Variants in MLLT3 observed in about 807,000 individuals in gnomAD.
MLLT3 encodes protein AF-9.
A neutral mutation model predicts 53.2 loss-of-function variants in MLLT3; 4 were observed. The ratio of observed to expected loss-of-function variants is 0.08; its 90% confidence interval spans 0.04 to 0.17. The LOEUF (loss-of-function observed/expected upper bound fraction) is 0.17. Ranked by LOEUF, MLLT3 falls within the 10% of genes least tolerant of loss-of-function variation. MLLT3 has a pLI of 1.00. For missense variants in MLLT3, 569 were observed against 684.0 expected (o/e 0.83, Z 1.87); for synonymous variants, 283 against 230.6 (o/e 1.23, Z -2.06).
chr9:20,378,777 A>G (rs1821837797), intron 5 of MLLT3, among the ~76,000 whole-genome samples: 2 of 152,118 alleles, frequency 1.3e-5, no homozygotes, highest in South Asian at 4.1e-4. Flanking sequence ...AAGTCCCTCT[A>G]TCTTAGTGAA....
intron 2 of MLLT3, among the ~76,000 whole-genome samples, chr9:20,577,486 T>A (rs892320796): frequency 6.6e-6 from 1 of 152,188 alleles, no homozygotes; most frequent in Admixed American, 6.5e-5. Flanking sequence ...CCCATGTACC[T>A]TTTCAACATC....
intron 5 of MLLT3, among the ~76,000 whole-genome samples, chr9:20,373,844 A>T (rs1169779054): frequency 1.3e-5 from 2 of 152,202 alleles, no homozygotes; most frequent in Admixed American, 1.3e-4. Flanking sequence ...GAAAGAAGAA[A>T]ACACAAATAT....
At chr9:20,616,782 CT>C (rs968352755) in intron 2 of MLLT3, among the ~76,000 whole-genome samples, 2 of 152,078 alleles carry the variant, frequency 1.3e-5, no homozygotes, top group Non-Finnish European at 2.9e-5. Flanking sequence ...TTGAGGGCCC[CT>C]ATATGGCTTT....
Position 20,431,591 on chromosome 9 carries a change from T to C in MLLT3, c.420+16532A>G, listed in dbSNP as rs548271838. Among the ~76,000 whole-genome samples, 2 of 152,274 alleles carry C rather than the reference T, an allele frequency of 1.3e-5. 1 individual carries two copies. Among genetic ancestry groups the C allele is most frequent in the South Asian group, 4.2e-4 (2 of 4,816 alleles). ...TTTATTTATGTATATGGGTACTTGA[T>C]CATTATGGAAAACCGGTTTCTTACT... On this transcript the variant is annotated intron_variant, in intron 4 of 10. Transcript: ENST00000380338.
At chr9:20,553,300 A>C (rs1416741323) in intron 2 of MLLT3, among the ~76,000 whole-genome samples, 1 of 152,204 alleles carries the variant, frequency 6.6e-6, no homozygotes, top group Non-Finnish European at 1.5e-5. Flanking sequence ...TCTTCCCCCA[A>C]AATACTCTAG....
chr9:20,579,308 T>C (rs1034586989), intron 2 of MLLT3, among the ~76,000 whole-genome samples: 1 of 151,760 alleles, frequency 6.6e-6, no homozygotes. Context: ...AGTCAAAGGC[T>C]GCAATGAGCT....
At chr9:20,565,339 A>G (rs770137230) in intron 2 of MLLT3, among the ~76,000 whole-genome samples, 14 of 151,978 alleles carry the variant, frequency 9.2e-5, no homozygotes, top group Non-Finnish European at 1.6e-4. Flanking sequence ...GATGAGGAAA[A>G]CACAGTGAGC....
intron 2 of MLLT3, among the ~76,000 whole-genome samples, chr9:20,602,309 A>C (rs1332234081): frequency 1.3e-5 from 2 of 152,204 alleles, no homozygotes; most frequent in East Asian, 3.8e-4. Context: ...ATGAAAGTTC[A>C]GCTTCTTAAG....
chr9:20,580,824 G>A (rs1249243040), intron 2 of MLLT3, among the ~76,000 whole-genome samples: 1 of 152,120 alleles, frequency 6.6e-6, no homozygotes, highest in Non-Finnish European at 1.5e-5. Context: ...TGTGTAAGGA[G>A]AGCACCCCTC....
intron 4 of MLLT3, among the ~76,000 whole-genome samples, chr9:20,417,780 T>C (rs567910560): frequency 6.6e-6 from 1 of 152,330 alleles, no homozygotes; most frequent in Admixed American, 6.5e-5. Context: ...TCTTTAATGT[T>C]TAATCTCTTC....
chr9:20,402,328 GAGAA>G (rs1163943338), intron 5 of MLLT3, among the ~76,000 whole-genome samples: 1 of 152,172 alleles, frequency 6.6e-6, no homozygotes, highest in Non-Finnish European at 1.5e-5. Context: ...ATGTCCATCA[GAGAA>G]AGAAAGGATA....
At chr9:20,446,724 G>A (rs1207528019) in intron 4 of MLLT3, among the ~76,000 whole-genome samples, 1 of 152,126 alleles carries the variant, frequency 6.6e-6, no homozygotes. Flanking sequence ...TAGGTAAATG[G>A]CATCAAAACT....
At chr9:20,610,915 C>A (rs2780839) in intron 2 of MLLT3, among the ~76,000 whole-genome samples, 126,304 of 152,074 alleles carry the variant, frequency 0.83, 52,881 homozygotes, top group African/African-American at 0.92. Context: ...GTGTTCCACT[C>A]AATGCAACTA....
chr9:20,414,790 T>C (rs1216614454), intron 4 of MLLT3, among the ~76,000 whole-genome samples: 24 of 152,158 alleles, frequency 1.6e-4, no homozygotes. Flanking sequence ...GATTGATAGA[T>C]GTTGACAACC....
Position 20,385,053 on chromosome 9 carries a change from C to T in MLLT3, c.1126-19309G>A, listed in dbSNP as rs183861285. On this transcript the variant is annotated intron_variant, in intron 5 of 10. Transcript: ENST00000380338. ...CCTCTAGACTCAGACTGAAAAGTTA[C>T]AAAATATTTTTATTTATTAATAAAT... 3.3e-4 allele frequency among the ~76,000 whole-genome samples: 50 copies of T among 152,128 alleles called. No homozygotes were observed. The East Asian group carries it at 9.5e-3, about 29-fold the overall frequency.
At chr9:20,401,080 A>G (rs1391766319) in intron 5 of MLLT3, among the ~76,000 whole-genome samples, 1 of 152,142 alleles carries the variant, frequency 6.6e-6, no homozygotes, top group East Asian at 1.9e-4. Context: ...AGTCACAGAC[A>G]TTTTTGGAGC....
At chr9:20,464,461 G>A (rs1824186898) in intron 2 of MLLT3, among the ~76,000 whole-genome samples, 1 of 152,016 alleles carries the variant, frequency 6.6e-6, no homozygotes, top group African/African-American at 2.4e-5. Context: ...GACAAAGGGA[G>A]GAAGTGGAGA....
At chr9:20,509,636 C>G (rs547696194) in intron 2 of MLLT3, among the ~76,000 whole-genome samples, 1 of 152,314 alleles carries the variant, frequency 6.6e-6, no homozygotes, top group South Asian at 2.1e-4. Flanking sequence ...AAATAAGCCA[C>G]CACGCCAAGA....
chr9:20,493,494 G>A (rs1457379484), intron 2 of MLLT3, among the ~76,000 whole-genome samples: 2 of 151,882 alleles, frequency 1.3e-5, no homozygotes, highest in Non-Finnish European at 2.9e-5. Context: ...TTTCCTATAA[G>A]AATGTAAATT....
Sources: gnomAD v4.1 joint callset for allele counts (sites outside exome capture counted in the v4.1 genomes callset) on GRCh38, gnomAD v4.1.1 for gene constraint, MANE v1.5 for transcripts, NCBI Gene and HGNC (gene_info 2026-07-23, HGNC 2026-07-21) for gene names.